The following GMEB1 variants were observed in gnomAD, a reference collection of about 807,000 sequenced individuals.
GMEB1 encodes the protein glucocorticoid modulatory element-binding protein 1.
A neutral mutation model predicts 52.4 loss-of-function variants in GMEB1; 6 were observed. The ratio of observed to expected loss-of-function variants is 0.11; its 90% CI spans 0.06 to 0.23. GMEB1 has a LOEUF of 0.23. GMEB1 is among the 10% of genes least tolerant of loss of function. The pLI, the probability that GMEB1 is intolerant of heterozygous loss-of-function variation, is 1.00. For synonymous variants in GMEB1, 255 were observed against 244.9 expected, an observed-to-expected ratio of 1.04 and a Z score of -0.38; for missense variants, 486 against 685.6, an observed-to-expected ratio of 0.71 and a Z score of 3.25.
At chr1:28,687,373 C>CAAAAAAAAAAAAAAA (rs1319753146) in intron 2 of GMEB1, among the ~76,000 whole-genome samples, 1 of 23,916 alleles carries the variant, frequency 4.2e-5, no homozygotes, top group African/African-American at 2.2e-4. Flanking sequence ...CACACACACA[C>CAAAAAAAAAAAAAAA]ACACACACAC....
chr1:28,682,926 G>A (rs554239137), intron 1 of GMEB1, among the ~76,000 whole-genome samples: 33 of 152,196 alleles, frequency 2.2e-4, no homozygotes, highest in African/African-American at 7.5e-4. Context: ...GTCTGTTTAC[G>A]CCCAGCATCG....
intron 6 of GMEB1, among the ~76,000 whole-genome samples, chr1:28,697,372 C>T (rs2124536971): frequency 6.6e-6 from 1 of 151,872 alleles, no homozygotes; most frequent in South Asian, 2.1e-4. Context: ...CCACACCTGG[C>T]TAATTTTGTA....
chr1:28,679,835 C>T (rs1213325430), intron 1 of GMEB1, among the ~76,000 whole-genome samples: 4 of 148,780 alleles, frequency 2.7e-5, no homozygotes, highest in African/African-American at 9.9e-5. Flanking sequence ...CAGTTTCACT[C>T]TTGTTGTCCG....
At chr1:28,687,519 G>C (rs1201271580) in intron 2 of GMEB1, among the ~76,000 whole-genome samples, 2 of 152,010 alleles carry the variant, frequency 1.3e-5, no homozygotes, top group African/African-American at 4.8e-5. Flanking sequence ...GGTGAGGTTT[G>C]GGAAGAATTG....
At chr1:28,690,317 G>A (rs1669902439) in intron 3 of GMEB1, 131 bp downstream of exon 3, 1 of 518,100 alleles carries the variant, frequency 1.9e-6, no homozygotes, top group African/African-American at 2.0e-5. Context: ...TGCCCTACCA[G>A]TACTACAGCC....
chr1:28,670,310 A>G (rs2124433724), intron 1 of GMEB1, among the ~76,000 whole-genome samples: 1 of 151,740 alleles, frequency 6.6e-6, no homozygotes, highest in Non-Finnish European at 1.5e-5. Flanking sequence ...GTGCCACCAC[A>G]CCAGCCAATT....
intron 5 of GMEB1, 90 bp from the exon 6 acceptor site, chr1:28,696,837 C>G (rs1043911904): frequency 1.0e-6 from 1 of 979,294 alleles, no homozygotes; most frequent in Non-Finnish European, 1.5e-6. Context: ...ACAGTAGGCT[C>G]AGCAGTGTTG....
chr1:28,680,118 C>T, intron 1 of GMEB1, among the ~76,000 whole-genome samples: 1 of 151,898 alleles, frequency 6.6e-6, no homozygotes, highest in Non-Finnish European at 1.5e-5. Flanking sequence ...AGATGGCTCA[C>T]ACTTGTAATC....
At chr1:28,670,848 C>T (rs1357620794) in intron 1 of GMEB1, among the ~76,000 whole-genome samples, 1 of 152,132 alleles carries the variant, frequency 6.6e-6, no homozygotes, top group Non-Finnish European at 1.5e-5. Context: ...TAATATCTTA[C>T]TTAAATGATT....
intron 5 of GMEB1, among the ~76,000 whole-genome samples, chr1:28,695,547 G>C (rs1267530620): frequency 1.3e-5 from 2 of 151,578 alleles, no homozygotes; most frequent in Non-Finnish European, 2.9e-5. Context: ...CATTTTTTTA[G>C]TCAGAGACAC....
At position 28,691,958 on chromosome 1, in the gene GMEB1, A is replaced by G. The variant is rs552908789; in HGVS notation, c.336+249A>G. Reference sequence around the variant, plus strand: ...CACTTTGGGAGACTGAGGTGGGAAGATCACTTGAGCCCAGGAGTTCAAGAC... The same window carrying G: ...CACTTTGGGAGACTGAGGTGGGAAGGTCACTTGAGCCCAGGAGTTCAAGAC... On this transcript the variant is annotated intron_variant, in intron 4 of 9. Transcript: ENST00000373816. 3.4e-4 allele frequency among the ~76,000 whole-genome samples: 51 copies of G among 150,736 alleles called. 1 individual carries two copies. The South Asian group carries it at 6.5e-3, about 19-fold the overall frequency.
intron 1 of GMEB1, among the ~76,000 whole-genome samples, chr1:28,676,198 C>G (rs1199210498): frequency 6.6e-6 from 1 of 152,100 alleles, no homozygotes; most frequent in African/African-American, 2.4e-5. Flanking sequence ...GGGGACTTAG[C>G]TTAGGGTAGA....
intron 2 of GMEB1, among the ~76,000 whole-genome samples, chr1:28,687,388 A>AC (rs34424771): frequency 1.0e-4 from 6 of 57,672 alleles, no homozygotes; most frequent in African/African-American, 3.5e-4. Context: ...ACACACACAC[A>AC]AAAAAAGACA....
intron 3 of GMEB1, among the ~76,000 whole-genome samples, chr1:28,691,093 C>G (rs1013147540): frequency 6.6e-6 from 1 of 152,126 alleles, no homozygotes; most frequent in African/African-American, 2.4e-5. Context: ...GGGTTCAAGA[C>G]CAGCCTGGCC....
chr1:28,678,703 C>CT (rs1419398187), intron 1 of GMEB1, among the ~76,000 whole-genome samples: 1 of 152,162 alleles, frequency 6.6e-6, no homozygotes, highest in Non-Finnish European at 1.5e-5. Context: ...ACTGCAACCT[C>CT]TGCCTCCTGA....
chr1:28,706,300 A>G (rs894346968), intron 8 of GMEB1, among the ~76,000 whole-genome samples: 13 of 151,542 alleles, frequency 8.6e-5, no homozygotes, highest in African/African-American at 2.9e-4. Flanking sequence ...ATGACGTTCT[A>G]ATCTAATAGA....
At chr1:28,691,510 G>C in intron 3 of GMEB1, 75 bp from the exon 4 acceptor site, 1 of 1,085,332 alleles carries the variant, frequency 9.2e-7, no homozygotes, top group South Asian at 1.8e-5. Context: ...AGAGGAACCA[G>C]GAGACTAGAG....
chr1:28,696,830 G>A (rs1472725563), intron 5 of GMEB1, 97 bp from the exon 6 acceptor site: 1 of 913,192 alleles, frequency 1.1e-6, no homozygotes, highest in East Asian at 2.6e-5. Context: ...AATCTACACA[G>A]TAGGCTCAGC....
intron 3 of GMEB1, 90 bp from the exon 4 acceptor site, chr1:28,691,495 C>G: frequency 1.1e-6 from 1 of 886,610 alleles, no homozygotes; most frequent in Non-Finnish European, 1.7e-6. Flanking sequence ...AAGTATTAGT[C>G]CCTTAGAGGA....
Sources: gnomAD v4.1 joint callset for allele counts (sites outside exome capture counted in the v4.1 genomes callset) on GRCh38, gnomAD v4.1.1 for gene constraint, MANE v1.5 for transcripts, NCBI Gene and HGNC (gene_info 2026-07-23, HGNC 2026-07-21) for gene names.